INVS: variants seen among roughly 807,000 people sequenced by gnomAD.
INVS encodes the protein inversin, also known as inversion of embryo turning homolog.
Under a neutral mutation model 108.8 loss-of-function variants are expected in INVS, and 86 were observed. The observed-to-expected ratio is 0.79, with a 90% CI of 0.66 to 0.95. INVS has a LOEUF of 0.95. Ranked by LOEUF, INVS falls within the 40% of genes least tolerant of loss-of-function variation. The pLI, the probability that INVS is intolerant of heterozygous loss-of-function variation, is 0.00. For synonymous variants in INVS, 455 were observed against 473.5 expected (o/e 0.96, Z 0.51); for missense variants, 1,169 against 1,297.4 (o/e 0.90, Z 1.52).
At chr9:100,208,532 AC>A (rs541849975) in intron 3 of INVS, among the ~76,000 whole-genome samples, 39 of 152,324 alleles carry the variant, frequency 2.6e-4, no homozygotes, top group South Asian at 4.1e-4. Flanking sequence ...GTTGTTTGAA[AC>A]AGGTCCCCCA....
chr9:100,247,430 GTC>G (rs1444962127), intron 8 of INVS, among the ~76,000 whole-genome samples: 1 of 152,104 alleles, frequency 6.6e-6, no homozygotes, highest in African/African-American at 2.4e-5. Context: ...CAACTTGGAG[GTC>G]TCTTCCTTGT....
chr9:100,202,092 G>GTTTTTT (rs35296886), intron 3 of INVS, among the ~76,000 whole-genome samples: 1 of 147,870 alleles, frequency 6.8e-6, no homozygotes, highest in African/African-American at 2.5e-5. Context: ...TATTACAATA[G>GTTTTTT]TTTTTTTTTT....
rs145303373 is a variant in INVS at position 100,104,588 on chromosome 9, G to C, written c.67G>C (p.Val23Leu). Residue 23 changes from valine to leucine, a missense_variant, in exon 2 of 17, where the codon GTT (valine) becomes CTT (leucine). Val to Leu is a conservative substitution (Grantham distance 32). This residue lies in a region of INVS where 365 missense variants were observed against 397.5 expected (regional missense o/e 0.92). Coordinates refer to ENST00000262457, the MANE Select transcript of INVS (RefSeq NM_014425.5). ...AGCATCACAAGTCCATGCTGCTGCC[G>C]TTAATGGAGATAAGGGTGCTCTACA... Reference protein sequence around the residue: ...SLASQVHAAAVNGDKGALQRL... With the variant: ...SLASQVHAAALNGDKGALQRL... 5.0e-6 allele frequency: 8 copies of C among 1,614,068 alleles called. No individual in the cohort carries two copies. In the South Asian group the frequency reaches 7.7e-5, roughly 16 times the overall value.
intron 2 of INVS, among the ~76,000 whole-genome samples, chr9:100,108,781 C>T (rs1441814667): frequency 6.6e-5 from 10 of 152,194 alleles, no homozygotes; most frequent in South Asian, 2.1e-4. Context: ...ACATACACAA[C>T]GAATTAAATC....
At chr9:100,279,202 TA>T (rs1833204437) in intron 12 of INVS, among the ~76,000 whole-genome samples, 2 of 152,202 alleles carry the variant, frequency 1.3e-5, no homozygotes, top group South Asian at 2.1e-4. Context: ...AGATAAATAT[TA>T]AAAAGTAGAC....
In INVS at chr9:100,302,077, C is replaced by T. The variant is rs1452817961; in HGVS notation, c.*1403C>T. ...TATATCAGTGCAAAGAAAGAAGGTT[C>T]GTAAACTTCTTTAAAAGTTCAGCTT... is the stretch of plus-strand genomic sequence containing the variant. On this transcript the variant is annotated 3_prime_UTR_variant, in exon 17 of 17. Coordinates refer to ENST00000262457, the MANE Select transcript of INVS (RefSeq NM_014425.5). 2.3e-5 allele frequency: 14 copies of T among 611,776 alleles called. No homozygotes were observed. The East Asian group carries it at 3.6e-4, about 16-fold the overall frequency. 37.9% of individuals were successfully genotyped at this position (611,776 alleles called of 1,614,324 possible).
At chr9:100,129,466 C>T (rs1827989986) in intron 3 of INVS, among the ~76,000 whole-genome samples, 1 of 151,840 alleles carries the variant, frequency 6.6e-6, no homozygotes, top group Admixed American at 6.6e-5. Flanking sequence ...GTATTTCAGC[C>T]TGGGGGACTG....
At chr9:100,188,127 A>G (rs1049533842) in intron 3 of INVS, among the ~76,000 whole-genome samples, 2 of 152,052 alleles carry the variant, frequency 1.3e-5, no homozygotes, top group Admixed American at 1.3e-4. Context: ...TGGCAAAGAG[A>G]GATAGTTTGA....
At chr9:100,181,988 C>T (rs891445383) in intron 3 of INVS, among the ~76,000 whole-genome samples, 1 of 152,086 alleles carries the variant, frequency 6.6e-6, no homozygotes, top group African/African-American at 2.4e-5. Flanking sequence ...TAATCTTTGA[C>T]AAACCTGACA....
At chr9:100,117,186 TG>T in intron 2 of INVS, 1 of 1,075,322 alleles carries the variant, frequency 9.3e-7, no homozygotes, top group Non-Finnish European at 1.4e-6. Context: ...TTACGGATGG[TG>T]GTGGCCACTT....
At chr9:100,117,281 G>A in intron 2 of INVS, 2 of 734,972 alleles carry the variant, frequency 2.7e-6, no homozygotes, top group South Asian at 1.5e-5. Flanking sequence ...GCTCTGGCCA[G>A]CACGGGTCTG....
intron 3 of INVS, among the ~76,000 whole-genome samples, chr9:100,202,640 G>A (rs1830566245): frequency 6.6e-6 from 1 of 151,954 alleles, no homozygotes; most frequent in Non-Finnish European, 1.5e-5. Context: ...ATGTCACACA[G>A]TAGCATTCAT....
intron 11 of INVS, among the ~76,000 whole-genome samples, chr9:100,265,292 C>G (rs1832756491): frequency 6.6e-6 from 1 of 152,068 alleles, no homozygotes. Context: ...TACATCCTTT[C>G]TACCAGATTT....
At chr9:100,251,356 C>T (rs1203650891) in intron 8 of INVS, among the ~76,000 whole-genome samples, 1 of 152,236 alleles carries the variant, frequency 6.6e-6, no homozygotes, top group Non-Finnish European at 1.5e-5. Flanking sequence ...ATACTTAGAA[C>T]TGGCCAAGGC....
At chr9:100,179,954 G>A (rs1187599489) in intron 3 of INVS, among the ~76,000 whole-genome samples, 3 of 152,152 alleles carry the variant, frequency 2.0e-5, no homozygotes, top group African/African-American at 7.2e-5. Flanking sequence ...AGACCACAGT[G>A]CAATCAAATT....
chr9:100,107,132 A>C (rs1415174621), intron 2 of INVS, among the ~76,000 whole-genome samples: 1 of 152,182 alleles, frequency 6.6e-6, no homozygotes, highest in Non-Finnish European at 1.5e-5. Context: ...TATATGTACA[A>C]TTTAACAAAT....
At chr9:100,155,421 C>T (rs1828945249) in intron 3 of INVS, among the ~76,000 whole-genome samples, 1 of 152,172 alleles carries the variant, frequency 6.6e-6, no homozygotes. Context: ...ACTGCATCCT[C>T]CACCTCCCAG....
At chr9:100,243,052 A>G (rs1564173079) in intron 7 of INVS, among the ~76,000 whole-genome samples, 1 of 152,110 alleles carries the variant, frequency 6.6e-6, no homozygotes, top group Non-Finnish European at 1.5e-5. Flanking sequence ...AGGTTTTTTT[A>G]AGTTGTTAGT....
intron 3 of INVS, among the ~76,000 whole-genome samples, chr9:100,210,419 G>T (rs1325447295): frequency 3.3e-5 from 5 of 152,072 alleles, no homozygotes; most frequent in African/African-American, 9.7e-5. Context: ...AATACTTATT[G>T]CCCTCCATAT....
Sources: gnomAD v4.1 joint callset for allele counts (sites outside exome capture counted in the v4.1 genomes callset) on GRCh38, gnomAD v4.1.1 for gene constraint, gnomAD v4.1.1 regional missense constraint, MANE v1.5 for transcripts, NCBI Gene and HGNC (gene_info 2026-07-23, HGNC 2026-07-21) for gene names.